The following ZNF609 variants were observed in gnomAD, a reference collection of about 807,000 sequenced individuals.
The protein encoded by ZNF609 is zinc finger protein 609.
A neutral mutation model predicts 109.5 loss-of-function variants in ZNF609; 11 were observed. That is an observed-to-expected ratio of 0.10 (90% CI 0.06 to 0.17). The LOEUF (loss-of-function observed/expected upper bound fraction) is 0.17. Among genes scored for constraint, ZNF609 ranks in the 10% least tolerant of loss-of-function variants. ZNF609 has a pLI of 1.00. For synonymous variants in ZNF609, 646 were observed against 662.0 expected (o/e 0.98, Z 0.37); for missense variants, 1,559 against 1,772.4 (o/e 0.88, Z 2.16).
chr15:64,626,976 A>G (rs1480590455), intron 3 of ZNF609, among the ~76,000 whole-genome samples: 1 of 152,124 alleles, frequency 6.6e-6, no homozygotes, highest in African/African-American at 2.4e-5. Flanking sequence ...AGTATGTCCG[A>G]GGCGGGAGGT....
At chr15:64,676,326 T>A in intron 5 of ZNF609, 70 bp downstream of exon 5, 1 of 1,445,836 alleles carries the variant, frequency 6.9e-7, no homozygotes, top group Non-Finnish European at 9.3e-7. Context: ...AAATAAGGGC[T>A]GTCCTTATAC....
At chr15:64,578,739 C>T (rs1339267164) in intron 2 of ZNF609, among the ~76,000 whole-genome samples, 1 of 152,132 alleles carries the variant, frequency 6.6e-6, no homozygotes, top group African/African-American at 2.4e-5. Flanking sequence ...TGGCTCAGGC[C>T]TGTAATTCTA....
At chr15:64,623,920 T>G (rs1895914441) in intron 3 of ZNF609, among the ~76,000 whole-genome samples, 1 of 152,126 alleles carries the variant, frequency 6.6e-6, no homozygotes. Context: ...GTAAACAGAC[T>G]TTCAAACTGT....
intron 3 of ZNF609, among the ~76,000 whole-genome samples, chr15:64,662,559 A>G (rs1235624223): frequency 6.6e-6 from 1 of 152,190 alleles, no homozygotes; most frequent in Admixed American, 6.5e-5. Context: ...TCCTATGCTC[A>G]AGCAATCCTC....
intron 1 of ZNF609, among the ~76,000 whole-genome samples, chr15:64,488,320 T>C (rs1422376289): frequency 6.6e-6 from 1 of 152,202 alleles, no homozygotes; most frequent in East Asian, 1.9e-4. Context: ...GGCATTGATA[T>C]GATTCTGCTC....
intron 1 of ZNF609, among the ~76,000 whole-genome samples, chr15:64,484,958 C>A (rs144195817): frequency 6.6e-6 from 1 of 151,902 alleles, no homozygotes; most frequent in African/African-American, 2.4e-5. Flanking sequence ...TGGGCGACAG[C>A]GAGACTCCGT....
At chr15:64,606,045 G>A (rs1442948871) in intron 2 of ZNF609, among the ~76,000 whole-genome samples, 3 of 148,098 alleles carry the variant, frequency 2.0e-5, no homozygotes, top group Non-Finnish European at 3.0e-5. Context: ...GTGAGCCACC[G>A]CGCCTGGCCT....
intron 2 of ZNF609, among the ~76,000 whole-genome samples, chr15:64,570,651 C>T (rs1449638136): frequency 6.6e-6 from 1 of 152,136 alleles, no homozygotes; most frequent in Non-Finnish European, 1.5e-5. Flanking sequence ...GTGTTTAATT[C>T]TAGAAACTCG....
intron 1 of ZNF609, among the ~76,000 whole-genome samples, chr15:64,495,641 A>T (rs1893471964): frequency 6.6e-6 from 1 of 151,742 alleles, no homozygotes; most frequent in Non-Finnish European, 1.5e-5. Context: ...TCCTCAAGCG[A>T]TCCACCCACC....
chr15:64,648,469 G>A (rs1019848949), intron 3 of ZNF609, among the ~76,000 whole-genome samples: 3 of 152,138 alleles, frequency 2.0e-5, no homozygotes, highest in African/African-American at 7.2e-5. Context: ...TCCAGCCTGG[G>A]CGACAGAGTG....
intron 2 of ZNF609, among the ~76,000 whole-genome samples, chr15:64,556,064 C>T (rs1894581357): frequency 6.6e-6 from 1 of 150,684 alleles, no homozygotes; most frequent in African/African-American, 2.4e-5. Flanking sequence ...GATCACAGCT[C>T]ACTGCAGCTT....
At chr15:64,543,587 C>T (rs989983289) in intron 2 of ZNF609, among the ~76,000 whole-genome samples, 3 of 151,568 alleles carry the variant, frequency 2.0e-5, no homozygotes, top group African/African-American at 4.8e-5. Flanking sequence ...GGATTACAGG[C>T]GCCCTGCCAC....
intron 2 of ZNF609, among the ~76,000 whole-genome samples, chr15:64,564,159 T>A (rs1456194265): frequency 6.6e-6 from 1 of 151,656 alleles, no homozygotes; most frequent in African/African-American, 2.4e-5. Context: ...ATGCATGTTG[T>A]ATGCGCTGGC....
At chr15:64,476,184 T>G (rs1254738218) in intron 1 of ZNF609, among the ~76,000 whole-genome samples, 1 of 152,114 alleles carries the variant, frequency 6.6e-6, no homozygotes, top group Non-Finnish European at 1.5e-5. Context: ...CATCTGGGTG[T>G]GGTTGACTTC....
chr15:64,528,592 T>C lies in ZNF609; in HGVS notation c.747+28426T>C, dbSNP rs544550389. On this transcript the variant is annotated intron_variant, in intron 2 of 9. Transcript: ENST00000326648. ...AGATTCAGCTTGGTGGGGGACTGAT[T>C]ATGGCAGGGACTCCCCAGCAGTAAG... 9.3e-5 allele frequency: 62 copies of C among 663,134 alleles called. No individual in the cohort carries two copies. In the African/African-American group the frequency reaches 1.0e-3, roughly 11 times the overall value. The allele number at this position is 663,134 out of a possible 1,614,324, so 41.1% of individuals were successfully genotyped here.
rs770762987 is a variant in ZNF609 at position 64,675,681 on chromosome 15, A to G, written c.2827A>G (p.Ile943Val). ...CATAGAAGGGAAAGTGAAGAACGAT[A>G]TCTGTGAAGAAAAGAAGCCCGAGCT... is the stretch of plus-strand genomic sequence containing the variant. ...ESIEGKVKND[I>V]CEEKKPELSS... is the part of the protein sequence containing the mutation. The change falls in exon 5 of 10, where the codon ATC becomes GTC. Residue 943 changes from isoleucine (I) to valine (V), a missense_variant. Physicochemically the swap from Ile to Val is conservative, Grantham distance 29. Transcript: ENST00000326648. The G allele has an allele frequency of 7.4e-6, 12 of 1,613,900 alleles. No individual in the cohort carries two copies. Among genetic ancestry groups the G allele is most frequent in the Admixed American group, 1.7e-5 (1 of 60,002 alleles).
At chr15:64,570,948 C>T (rs1314447261) in intron 2 of ZNF609, among the ~76,000 whole-genome samples, 1 of 152,154 alleles carries the variant, frequency 6.6e-6, no homozygotes, top group African/African-American at 2.4e-5. Context: ...ATCACTTGAA[C>T]CTGGGAGGCG....
chr15:64,681,401 A>G lies in ZNF609; in HGVS notation c.*5+14A>G, dbSNP rs1327987951. On this transcript the variant is annotated intron_variant, in intron 9 of 9. Transcript: ENST00000326648. Reference sequence around the variant, plus strand: ...GAGGTGAGAATGGTAAGTCACTTTTATTAATTTGGGGCAACACATAAAGCC... The same window carrying G: ...GAGGTGAGAATGGTAAGTCACTTTTGTTAATTTGGGGCAACACATAAAGCC... 5.0e-6 allele frequency: 8 copies of G among 1,610,240 alleles called. No individual in the cohort carries two copies. The highest frequency in any genetic ancestry group is 3.3e-4 in the Middle Eastern group (2 of 6,052).
chr15:64,673,038 A>AGG (rs1896759203), intron 4 of ZNF609, among the ~76,000 whole-genome samples: 2 of 151,980 alleles, frequency 1.3e-5, no homozygotes, highest in Admixed American at 6.6e-5. Flanking sequence ...CTCCCTTTGC[A>AGG]TTTCTGAGAA....
Sources: allele counts gnomAD v4.1 joint callset (sites outside exome capture counted in the v4.1 genomes callset), GRCh38; gene constraint gnomAD v4.1.1; transcripts MANE v1.5; gene names NCBI Gene and HGNC (gene_info 2026-07-23, HGNC 2026-07-21).